TMPRSS4: variants seen among roughly 807,000 people sequenced by gnomAD.
TMPRSS4 encodes transmembrane serine protease 4, also known as transmembrane protease serine 4.
Under a neutral mutation model 56.4 loss-of-function variants are expected in TMPRSS4, and 45 were observed. That is an observed-to-expected ratio of 0.80 (90% confidence interval 0.63 to 1.02). The LOEUF is 1.02. Ranked by LOEUF, TMPRSS4 falls within the 50% of genes least tolerant of loss-of-function variation. The pLI, the probability that TMPRSS4 is intolerant of heterozygous loss-of-function variation, is 0.00. For missense variants in TMPRSS4, 546 were observed against 556.7 expected, an observed-to-expected ratio of 0.98 and a Z score of 0.19; for synonymous variants, 205 against 211.0, an observed-to-expected ratio of 0.97 and a Z score of 0.25.
At chr11:118,117,092 G>A (rs957486951) in intron 11 of TMPRSS4, among the ~76,000 whole-genome samples, 1 of 152,188 alleles carries the variant, frequency 6.6e-6, no homozygotes, top group Non-Finnish European at 1.5e-5. Flanking sequence ...AAGGCTAACG[G>A]CATGCTTGCA....
intron 7 of TMPRSS4, among the ~76,000 whole-genome samples, chr11:118,109,219 G>A (rs778839201): frequency 6.6e-6 from 1 of 152,158 alleles, no homozygotes; most frequent in Non-Finnish European, 1.5e-5. Flanking sequence ...TCCCTGGTCC[G>A]GGCCCACATA....
Position 118,104,725 on chromosome 11 carries a change from G to C in TMPRSS4, c.345G>C (p.Val115=). The change falls in exon 5 of 13, where the codon GTG becomes GTC. Residue 115 remains valine (V), a synonymous_variant. Coordinates refer to ENST00000437212, the MANE Select transcript of TMPRSS4 (RefSeq NM_019894.4). ...RLSKDRSTLQ[V]LDSATGNWFS... ...CCAAGGACCGATCCACACTGCAGGT[G>C]CTGGACTCGGCCACAGGGAACTGGT... is the stretch of plus-strand genomic sequence containing the variant. The C allele has an allele frequency of 6.2e-7, 1 of 1,614,190 alleles. No homozygotes were observed. The highest frequency in any genetic ancestry group is 8.5e-7 in the Non-Finnish European group (1 of 1,180,036).
chr11:118,125,373 CT>C (rs1303500653), downstream of TMPRSS4: 1 of 456,050 alleles, frequency 2.2e-6, no homozygotes, highest in Non-Finnish European at 4.4e-6. Context: ...GCTGATGGAG[CT>C]ACGGTCAGCT....
intron 1 of TMPRSS4, chr11:118,088,327 T>G (rs1945723375): frequency 6.6e-6 from 1 of 152,246 alleles, no homozygotes; most frequent in Admixed American, 6.5e-5. Context: ...TCGTAAATTA[T>G]ATAATAATAC....
At chr11:118,113,489 A>G in intron 9 of TMPRSS4, 54 bp downstream of exon 9, 1 of 1,590,322 alleles carries the variant, frequency 6.3e-7, no homozygotes, top group South Asian at 1.1e-5. Context: ...TTTCACGCCC[A>G]CTCTGCTATT....
rs1360383702 is a variant in TMPRSS4, at chr11:118,094,245, T to A, written c.4-571T>A. 2.6e-5 allele frequency among the ~76,000 whole-genome samples: 4 copies of A among 152,222 alleles called. No homozygotes were observed. In the East Asian group the frequency reaches 7.7e-4, roughly 29 times the overall value. ...CCATTTTCCAAAGTATTTGTACCAC[T>A]TTACACTCCCACCAACAAGGTCTGA... On this transcript the variant is annotated intron_variant, in intron 1 of 12. Coordinates refer to ENST00000437212, the MANE Select transcript of TMPRSS4 (RefSeq NM_019894.4).
chr11:118,114,718 C>T, intron 9 of TMPRSS4, 111 bp from the exon 10 acceptor site: 1 of 1,182,098 alleles, frequency 8.5e-7, no homozygotes, highest in Non-Finnish European at 1.2e-6. Flanking sequence ...TTAGCTAACC[C>T]AGTCTCTCCC....
chr11:118,109,269 AT>A (rs1947160921), intron 7 of TMPRSS4, among the ~76,000 whole-genome samples: 1 of 152,226 alleles, frequency 6.6e-6, no homozygotes, highest in Non-Finnish European at 1.5e-5. Context: ...CCAAGATCAG[AT>A]TACCCACATT....
intron 2 of TMPRSS4, among the ~76,000 whole-genome samples, chr11:118,097,264 C>T (rs1946455675): frequency 6.6e-6 from 1 of 151,558 alleles, no homozygotes; most frequent in Non-Finnish European, 1.5e-5. Context: ...AGAAAATATA[C>T]AAAATAAGTC....
chr11:118,099,152 AC>A, intron 3 of TMPRSS4, 54 bp downstream of exon 3: 1 of 1,392,694 alleles, frequency 7.2e-7, no homozygotes, highest in South Asian at 1.2e-5. Flanking sequence ...ACAGGGCCCA[AC>A]CCCCACCCCC....
Position 118,118,062 on chromosome 11 carries a change from A to C in TMPRSS4, c.*149A>C. ...ATTTCTTGGAGCAGCAAAGGGCCTCAATTCCTATAAGAGACCCTCGCAGCC... is the reference window on the plus strand; with the variant it reads ...ATTTCTTGGAGCAGCAAAGGGCCTCCATTCCTATAAGAGACCCTCGCAGCC... On this transcript the variant is annotated 3_prime_UTR_variant, in exon 13 of 13. Transcript: ENST00000437212. 6.6e-7 allele frequency: 1 copy of C among 1,513,020 alleles called. No individual in the cohort carries two copies. The highest frequency in any genetic ancestry group is 1.3e-5 in the South Asian group (1 of 79,578). The allele number at this position is 1,513,020 out of a possible 1,614,324, so 93.7% of individuals were successfully genotyped here.
chr11:118,108,710 C>A, intron 6 of TMPRSS4, 146 bp from the exon 7 acceptor site: 1 of 704,836 alleles, frequency 1.4e-6, no homozygotes, highest in Non-Finnish European at 2.4e-6. Context: ...GATGTCAATG[C>A]AGTCTCCAAA....
intron 5 of TMPRSS4, chr11:118,107,237 G>A (rs1947039621): frequency 6.6e-6 from 1 of 152,176 alleles, no homozygotes; most frequent in Non-Finnish European, 1.5e-5. Context: ...ACGTTTGTCT[G>A]GATTCATATG....
In TMPRSS4 at chr11:118,077,319, C is replaced by A; in HGVS notation, c.3+14C>A. ...AGAGCCAGCATGGTGAGTGTGGGGC[C>A]CTCTGCTCCCAAGACACAGGAAGGG... On this transcript the variant is annotated intron_variant, in intron 1 of 12. Transcript: ENST00000437212. 1 of 1,596,746 alleles carries A rather than the reference C, an allele frequency of 6.3e-7. No homozygotes were observed. Among genetic ancestry groups the A allele is most frequent in the Non-Finnish European group, 8.5e-7 (1 of 1,171,516 alleles).
At position 118,121,259 on chromosome 11, in the gene TMPRSS4, C is replaced by T. The variant is rs1000993538; in HGVS notation, c.*3346C>T. On this transcript the variant is annotated 3_prime_UTR_variant, in exon 13 of 13. Transcript: ENST00000437212. ...TACTTTAGGAAGAAGGAAAATGATC[C>T]TAAAAGGAAGAACCAAGAAGCAAGT... 37 of 152,128 alleles carry T rather than the reference C, an allele frequency of 2.4e-4. No homozygotes were observed. The highest frequency in any genetic ancestry group is 8.2e-4 in the African/African-American group (34 of 41,436). The allele number at this position is 152,128 out of a possible 1,614,324, so 9.4% of individuals were successfully genotyped here. A position where few individuals can be genotyped will look rare whatever the true frequency, so the allele number is the denominator to read the frequency against.
chr11:118,099,185 A>G, intron 3 of TMPRSS4, 87 bp downstream of exon 3: 2 of 1,010,912 alleles, frequency 2.0e-6, no homozygotes, highest in Non-Finnish European at 2.9e-6. Context: ...TGAATAAGTG[A>G]CAGTCCCCCA....
At chr11:118,089,851 C>T (rs1945824654) in intron 1 of TMPRSS4, among the ~76,000 whole-genome samples, 1 of 151,968 alleles carries the variant, frequency 6.6e-6, no homozygotes, top group Non-Finnish European at 1.5e-5. Context: ...TAATATCATC[C>T]TTATTATTAT....
At chr11:118,113,536 TC>T (rs2135453143) in intron 9 of TMPRSS4, 101 bp downstream of exon 9, 1 of 1,367,816 alleles carries the variant, frequency 7.3e-7, no homozygotes, top group East Asian at 2.4e-5. Context: ...ATGTCTCCTC[TC>T]AAGTCCTCAG....
At chr11:118,078,339 G>A (rs1257066188) in intron 1 of TMPRSS4, among the ~76,000 whole-genome samples, 1 of 152,180 alleles carries the variant, frequency 6.6e-6, no homozygotes, top group African/African-American at 2.4e-5. Flanking sequence ...GAAAGGGAAG[G>A]GAAGAGAGGA....
Sources: gnomAD v4.1 joint callset for allele counts (sites outside exome capture counted in the v4.1 genomes callset) on GRCh38, gnomAD v4.1.1 for gene constraint, MANE v1.5 for transcripts, NCBI Gene and HGNC (gene_info 2026-07-23, HGNC 2026-07-21) for gene names.